Variants in EHBP1 observed in about 807,000 individuals in gnomAD.
The protein encoded by EHBP1 is EH domain-binding protein 1.
Under a neutral mutation model 144.0 loss-of-function variants are expected in EHBP1, and 55 were observed. The ratio of observed to expected loss-of-function variants is 0.38; its 90% CI spans 0.31 to 0.48. The LOEUF is 0.48. Among genes scored for constraint, EHBP1 ranks in the 20% least tolerant of loss-of-function variants. The probability of loss-of-function intolerance (pLI) is 0.98; values close to 1 mark genes in which losing one functional copy is unlikely to be tolerated. For missense variants in EHBP1, 1,200 were observed against 1,364.2 expected, an observed-to-expected ratio of 0.88 and a Z score of 1.90; for synonymous variants, 469 against 472.7, an observed-to-expected ratio of 0.99 and a Z score of 0.10.
chr2:62,938,611 G>T (rs924766182), intron 10 of EHBP1, among the ~76,000 whole-genome samples: 7 of 152,146 alleles, frequency 4.6e-5, no homozygotes, highest in African/African-American at 1.7e-4. Flanking sequence ...ATTTGCAAGT[G>T]TAGTTTTACC....
At chr2:62,763,208 GTTC>G (rs1378433156) in intron 3 of EHBP1, among the ~76,000 whole-genome samples, 1 of 151,798 alleles carries the variant, frequency 6.6e-6, no homozygotes, top group Non-Finnish European at 1.5e-5. Context: ...CTTACCCCCA[GTTC>G]TTCTTCCCTA....
chr2:62,681,673 T>A (rs2033536330), intron 1 of EHBP1, among the ~76,000 whole-genome samples: 1 of 152,026 alleles, frequency 6.6e-6, no homozygotes, highest in African/African-American at 2.4e-5. Flanking sequence ...TCCCCCCTGT[T>A]TTTTAGTTTT....
At chr2:62,796,813 C>A (rs892381978) in intron 5 of EHBP1, among the ~76,000 whole-genome samples, 9 of 151,362 alleles carry the variant, frequency 5.9e-5, no homozygotes, top group Non-Finnish European at 1.2e-4. Context: ...ACACCTCTTT[C>A]CATGACTTCT....
At chr2:62,830,869 A>G in intron 6 of EHBP1, 150 bp from the exon 7 acceptor site, 2 of 694,164 alleles carry the variant, frequency 2.9e-6, no homozygotes, top group Non-Finnish European at 4.5e-6. Context: ...GAATATGAGT[A>G]TTTAGATTTT....
At chr2:62,845,472 T>C (rs1023880937) in intron 7 of EHBP1, among the ~76,000 whole-genome samples, 6 of 151,952 alleles carry the variant, frequency 3.9e-5, no homozygotes, top group Non-Finnish European at 7.4e-5. Context: ...GGAGCTAGAG[T>C]TGATGATGGT....
chr2:62,897,140 AC>A (rs949255968), intron 10 of EHBP1, among the ~76,000 whole-genome samples: 2 of 152,290 alleles, frequency 1.3e-5, no homozygotes, highest in Non-Finnish European at 2.9e-5. Flanking sequence ...CGTAGTTTTT[AC>A]ACACATACAA....
Position 62,864,924 on chromosome 2 carries a change from G to A in EHBP1, c.951G>A (p.Lys317=). 1.2e-6 allele frequency: 2 copies of A among 1,613,912 alleles called. No homozygotes were observed. Among genetic ancestry groups the A allele is most frequent in the East Asian group, 2.2e-5 (1 of 44,838 alleles). ...RKNIRPVDMS[K]YLYADSSKTE... ...ATATAAGACCTGTGGATATGAGCAA[G>A]TACCTCTATGCTGATAGTTCTAAAA... The change falls in exon 9 of 23, where the codon AAG becomes AAA. Residue 317 remains lysine (K), a synonymous_variant. Transcript: ENST00000431489.
At chr2:62,711,186 T>C (rs1453078950) in intron 2 of EHBP1, among the ~76,000 whole-genome samples, 2 of 152,158 alleles carry the variant, frequency 1.3e-5, no homozygotes, top group Non-Finnish European at 2.9e-5. Flanking sequence ...ACCACCACAC[T>C]TTATTGAGGT....
intron 2 of EHBP1, among the ~76,000 whole-genome samples, chr2:62,736,093 ATTTC>A (rs1467148814): frequency 6.8e-6 from 1 of 146,680 alleles, no homozygotes; most frequent in Non-Finnish European, 1.5e-5. Flanking sequence ...TGTTTCAAAT[ATTTC>A]TTCTGTTCCC....
chr2:63,033,977 T>C (rs2061365012), intron 19 of EHBP1, among the ~76,000 whole-genome samples: 1 of 152,262 alleles, frequency 6.6e-6, no homozygotes, highest in Non-Finnish European at 1.5e-5. Flanking sequence ...TAATAATTTT[T>C]ACAAATCATA....
At chr2:62,810,356 G>A (rs2044886966) in intron 5 of EHBP1, among the ~76,000 whole-genome samples, 2 of 152,350 alleles carry the variant, frequency 1.3e-5, no homozygotes, top group African/African-American at 2.4e-5. Context: ...AGCCTAGTGT[G>A]CTCACGGATG....
intron 2 of EHBP1, among the ~76,000 whole-genome samples, chr2:62,717,789 A>G (rs2035832940): frequency 6.6e-6 from 1 of 152,214 alleles, no homozygotes; most frequent in Admixed American, 6.5e-5. Context: ...TATGTCTGAA[A>G]GAGTTTGTCA....
chr2:62,860,460 A>G (rs2049422723), intron 8 of EHBP1, among the ~76,000 whole-genome samples: 1 of 151,744 alleles, frequency 6.6e-6, no homozygotes, highest in Non-Finnish European at 1.5e-5. Context: ...ATTGCACTCC[A>G]GCCTGGGCAA....
At chr2:62,903,764 T>C (rs2053587420) in intron 10 of EHBP1, among the ~76,000 whole-genome samples, 1 of 137,658 alleles carries the variant, frequency 7.3e-6, no homozygotes, top group African/African-American at 2.8e-5. Flanking sequence ...AGACCCTGCC[T>C]TGAAGAAGGA....
chr2:62,869,143 C>A (rs1052531855), intron 9 of EHBP1, among the ~76,000 whole-genome samples: 5 of 152,204 alleles, frequency 3.3e-5, no homozygotes, highest in Middle Eastern at 3.4e-3. Context: ...ACAAGACTGA[C>A]TATACCAAGT....
At chr2:63,013,644 G>C (rs1360542724) in intron 19 of EHBP1, among the ~76,000 whole-genome samples, 1 of 152,162 alleles carries the variant, frequency 6.6e-6, no homozygotes, top group African/African-American at 2.4e-5. Context: ...AGCTTGCTCT[G>C]ATCTTTACTC....
At chr2:62,978,116 A>C (rs557065481) in intron 14 of EHBP1, among the ~76,000 whole-genome samples, 14 of 152,258 alleles carry the variant, frequency 9.2e-5, no homozygotes, top group African/African-American at 3.4e-4. Context: ...TCTTTGTTTT[A>C]TCATAATAAT....
chr2:63,025,863 A>G (rs570533307), intron 19 of EHBP1, among the ~76,000 whole-genome samples: 1 of 152,352 alleles, frequency 6.6e-6, no homozygotes, highest in South Asian at 2.1e-4. Context: ...CAAAATGGCA[A>G]TTAGCACAAG....
intron 19 of EHBP1, among the ~76,000 whole-genome samples, chr2:63,012,145 C>T (rs2060292525): frequency 6.6e-6 from 1 of 151,810 alleles, no homozygotes. Flanking sequence ...AAAGTTGCAT[C>T]ATTTTAATTT....
Sources: allele counts gnomAD v4.1 joint callset (sites outside exome capture counted in the v4.1 genomes callset), GRCh38; gene constraint gnomAD v4.1.1; transcripts MANE v1.5; gene names NCBI Gene and HGNC (gene_info 2026-07-23, HGNC 2026-07-21).